Variants in SPMAP2 observed in about 807,000 individuals in gnomAD.
SPMAP2 encodes sperm microtubule associated protein 2.
the SPMAP2 span, among the ~76,000 whole-genome samples, chr19:372,114 T>C: frequency 6.6e-6 from 1 of 152,368 alleles, no homozygotes; most frequent in East Asian, 1.9e-4. Context: ...TCAGAAGTGG[T>C]TCAAAACAGT....
the SPMAP2 span, chr19:375,966 C>T: frequency 2.1e-6 from 3 of 1,418,068 alleles, no homozygotes; most frequent in Non-Finnish European, 2.8e-6. Context: ...CCTGCTGTCC[C>T]CCATACACCG....
At chr19:367,440 G>A in the SPMAP2 span, among the ~76,000 whole-genome samples, 3,720 of 152,256 alleles carry the variant, frequency 0.024, 139 homozygotes, top group African/African-American at 0.085. Flanking sequence ...TGAGCAAAGG[G>A]TACAGGAGAC....
chr19:369,195 G>A, the SPMAP2 span, among the ~76,000 whole-genome samples: 46 of 152,252 alleles, frequency 3.0e-4, no homozygotes, highest in African/African-American at 8.7e-4. Context: ...GAGAAGACGC[G>A]ACCACACACA....
the SPMAP2 span, chr19:374,745 T>A: frequency 3.3e-6 from 1 of 299,952 alleles, no homozygotes; most frequent in African/African-American, 2.1e-5. Context: ...TAGTGTTTAC[T>A]CATCTCACAG....
At chr19:363,221 C>G in the SPMAP2 span, among the ~76,000 whole-genome samples, 37 of 152,334 alleles carry the variant, frequency 2.4e-4, no homozygotes, top group African/African-American at 8.7e-4. Flanking sequence ...GATACAGAGC[C>G]TTGCTCTGTC....
chr19:368,921 G>A, the SPMAP2 span, among the ~76,000 whole-genome samples: 5 of 152,204 alleles, frequency 3.3e-5, no homozygotes, highest in African/African-American at 1.2e-4. The surrounding 1 kb of genome is among the most constrained non-coding windows in gnomAD (Gnocchi z 4.1). Flanking sequence ...CTCCAGTCCT[G>A]GAGGGGCAGG....
the SPMAP2 span, chr19:375,995 C>A: frequency 7.2e-7 from 1 of 1,383,904 alleles, no homozygotes; most frequent in Non-Finnish European, 9.3e-7. Flanking sequence ...CCAGCCCCCG[C>A]GGCCTCACTC....
chr19:375,913 T>C, the SPMAP2 span: 14 of 1,496,282 alleles, frequency 9.4e-6, no homozygotes, highest in Non-Finnish European at 1.2e-5. Context: ...CTTTCCGACC[T>C]GCCCGCAGCC....
the SPMAP2 span, among the ~76,000 whole-genome samples, chr19:363,194 G>T: frequency 1.3e-3 from 192 of 152,284 alleles, 1 homozygote; most frequent in Middle Eastern, 0.055. Flanking sequence ...ATTTTTATTT[G>T]TTTATTTATT....
At chr19:367,067 G>A in the SPMAP2 span, 1 of 1,612,796 alleles carries the variant, frequency 6.2e-7, no homozygotes, top group Non-Finnish European at 8.5e-7. Flanking sequence ...CTACTTACTG[G>A]CCAAGTGAAG....
the SPMAP2 span, chr19:375,914 G>T: frequency 6.7e-6 from 10 of 1,493,404 alleles, no homozygotes; most frequent in Non-Finnish European, 5.3e-6. Flanking sequence ...TTTCCGACCT[G>T]CCCGCAGCCT....
chr19:375,296 T>A, the SPMAP2 span, among the ~76,000 whole-genome samples: 1,328 of 129,922 alleles, frequency 0.01, 22 homozygotes, highest in African/African-American at 0.05. Flanking sequence ...GTTGGGAGGC[T>A]TTTTTTTTCC....
the SPMAP2 span, among the ~76,000 whole-genome samples, chr19:370,848 C>A: frequency 1.1e-5 from 1 of 92,458 alleles, no homozygotes; most frequent in Non-Finnish European, 2.8e-5. Context: ...TTCAGACTTT[C>A]GGAAAAGCAA....
At chr19:365,302 G>A in the SPMAP2 span, among the ~76,000 whole-genome samples, 3 of 152,222 alleles carry the variant, frequency 2.0e-5, no homozygotes, top group African/African-American at 7.2e-5. Flanking sequence ...GCAGGGTAAG[G>A]GGGCCAAGCA....
At chr19:374,197 G>T in the SPMAP2 span, 1 of 1,549,194 alleles carries the variant, frequency 6.5e-7, no homozygotes. Flanking sequence ...GGTGGCAGCT[G>T]GGGGAGGGGA....
At chr19:362,173 T>G in the SPMAP2 span, 1 of 1,450,218 alleles carries the variant, frequency 6.9e-7, no homozygotes, top group Non-Finnish European at 9.1e-7. Context: ...TTAGGGTGCC[T>G]GAGGGTGTTT....
chr19:363,132 G>A, the SPMAP2 span, among the ~76,000 whole-genome samples: 12 of 152,182 alleles, frequency 7.9e-5, no homozygotes, highest in African/African-American at 2.9e-4. Context: ...TGACTGTGGT[G>A]GTGGTTGCAT....
At chr19:367,106 T>C in the SPMAP2 span, 9 of 1,612,920 alleles carry the variant, frequency 5.6e-6, no homozygotes, top group Admixed American at 1.3e-4. Flanking sequence ...CACATGTGGC[T>C]TGGGTTTTGG....
the SPMAP2 span, chr19:362,125 T>C: frequency 8.3e-7 from 1 of 1,211,218 alleles, no homozygotes; most frequent in Non-Finnish European, 1.1e-6. Context: ...CCCTCCCTTC[T>C]CCAGGCCAAA....
Sources: allele counts gnomAD v4.1 joint callset (sites outside exome capture counted in the v4.1 genomes callset), GRCh38; gene constraint gnomAD v4.1.1; non-coding constraint Gnocchi (gnomAD v3.1); transcripts MANE v1.5; gene names NCBI Gene and HGNC (gene_info 2026-07-23, HGNC 2026-07-21).